TRIM44: variants seen among roughly 807,000 people sequenced by gnomAD.
The protein encoded by TRIM44 is tripartite motif-containing protein 44.
A neutral mutation model predicts 37.4 loss-of-function variants in TRIM44; 13 were observed. That is an observed-to-expected ratio of 0.35 (90% CI 0.23 to 0.55). TRIM44 has a LOEUF of 0.55. TRIM44 is among the 20% of genes least tolerant of loss of function. TRIM44 has a pLI of 0.89. For missense variants in TRIM44, 426 were observed against 437.2 expected, an observed-to-expected ratio of 0.97 and a Z score of 0.23; for synonymous variants, 175 against 157.2, an observed-to-expected ratio of 1.11 and a Z score of -0.85.
At chr11:35,699,718 C>T (rs1851757906) in intron 2 of TRIM44, among the ~76,000 whole-genome samples, 2 of 151,374 alleles carry the variant, frequency 1.3e-5, no homozygotes, top group Admixed American at 6.6e-5. Flanking sequence ...CGTCTCAGCC[C>T]AAAATCTCCT....
At chr11:35,711,871 C>T (rs1007225) in intron 2 of TRIM44, among the ~76,000 whole-genome samples, 43,304 of 152,036 alleles carry the variant, frequency 0.28, 6,551 homozygotes, top group Admixed American at 0.4. Flanking sequence ...CCTTCCTCCC[C>T]ACAAAGTTCC....
rs948601741 is a variant in TRIM44, at chr11:35,807,728, T to TA, written c.*1350dup. 4.6e-5 allele frequency: 7 copies of TA among 152,134 alleles called. No homozygotes were observed. Among genetic ancestry groups the TA allele is most frequent in the African/African-American group, 1.7e-4 (7 of 41,450 alleles). 9.4% of individuals were successfully genotyped at this position (152,134 alleles called of 1,614,324 possible). On this transcript the variant is annotated 3_prime_UTR_variant, in exon 5 of 5. Coordinates refer to ENST00000299413, the MANE Select transcript of TRIM44 (RefSeq NM_017583.6). ...TGTTCATACGCATAGACTGTTAAGATAAAAAAATAGGAATCTTGCAAGGTA... is the reference window on the plus strand; with the variant it reads ...TGTTCATACGCATAGACTGTTAAGATAAAAAAAATAGGAATCTTGCAAGGTA...
chr11:35,760,319 G>A (rs1852706343), intron 4 of TRIM44, among the ~76,000 whole-genome samples: 1 of 152,250 alleles, frequency 6.6e-6, no homozygotes, highest in Non-Finnish European at 1.5e-5. Flanking sequence ...ATCTCCTGTT[G>A]TGCCATTTGC....
chr11:35,685,488 A>G, intron 2 of TRIM44, 152 bp downstream of exon 2: 1 of 647,574 alleles, frequency 1.5e-6, no homozygotes, highest in Non-Finnish European at 2.7e-6. Context: ...TGATATGCCT[A>G]GAGATAAGTC....
rs778424945 is a variant in TRIM44, at chr11:35,746,562, GT to G, written c.1007+11123del. On this transcript the variant is annotated intron_variant, in intron 4 of 4. Coordinates refer to ENST00000299413, the MANE Select transcript of TRIM44 (RefSeq NM_017583.6). ...CATGCTGGCAGCATATGCTGGTGGA[GT>G]TTTTTGTTTGTTTGTTTTCTTTCCT... Among the ~76,000 whole-genome samples the G allele has an allele frequency of 2.6e-5, 4 of 151,526 alleles. No homozygotes were observed. The East Asian group carries it at 7.8e-4, about 29-fold the overall frequency.
intron 4 of TRIM44, 143 bp downstream of exon 4, chr11:35,735,588 A>T: frequency 1.2e-6 from 1 of 809,480 alleles, no homozygotes; most frequent in Admixed American, 2.3e-5. Flanking sequence ...TGAAGATCTT[A>T]TTTTGTAAGA....
intron 4 of TRIM44, 101 bp from the exon 5 acceptor site, chr11:35,806,257 C>T: frequency 1.6e-6 from 2 of 1,286,730 alleles, no homozygotes; most frequent in Non-Finnish European, 2.2e-6. Flanking sequence ...AGACTTAATT[C>T]CAGGTATGTC....
chr11:35,739,687 C>T (rs1852366535), intron 4 of TRIM44, among the ~76,000 whole-genome samples: 1 of 152,114 alleles, frequency 6.6e-6, no homozygotes, highest in South Asian at 2.1e-4. Context: ...GCCTTTGACT[C>T]CACAGAATAG....
At chr11:35,710,982 A>G (rs1214896341) in intron 2 of TRIM44, among the ~76,000 whole-genome samples, 1 of 152,206 alleles carries the variant, frequency 6.6e-6, no homozygotes, top group Non-Finnish European at 1.5e-5. Flanking sequence ...TGAAATGTTC[A>G]GAATAGGCAA....
chr11:35,766,589 G>A (rs1010781413), intron 4 of TRIM44, among the ~76,000 whole-genome samples: 16 of 152,196 alleles, frequency 1.1e-4, no homozygotes, highest in Admixed American at 5.9e-4. Context: ...TCCATGTGTA[G>A]CATTTTGCAG....
chr11:35,700,317 GATTA>G (rs1364767584), intron 2 of TRIM44, among the ~76,000 whole-genome samples: 1 of 152,030 alleles, frequency 6.6e-6, no homozygotes, highest in Non-Finnish European at 1.5e-5. Context: ...TTTTTTACAA[GATTA>G]ATTTTTACAA....
intron 2 of TRIM44, among the ~76,000 whole-genome samples, chr11:35,706,235 AC>A (rs1159484325): frequency 1.3e-5 from 2 of 149,392 alleles, no homozygotes; most frequent in Non-Finnish European, 3.0e-5. Flanking sequence ...CTCTGAATAG[AC>A]CAATAACAGG....
intron 2 of TRIM44, among the ~76,000 whole-genome samples, chr11:35,708,992 C>CAA (rs200530093): frequency 8.5e-6 from 1 of 118,192 alleles, no homozygotes; most frequent in Non-Finnish European, 1.8e-5. Context: ...GCCCCCCCCC[C>CAA]AAAAAAAAAG....
At chr11:35,710,843 A>G (rs1431162876) in intron 2 of TRIM44, among the ~76,000 whole-genome samples, 2 of 152,190 alleles carry the variant, frequency 1.3e-5, no homozygotes, top group African/African-American at 4.8e-5. Flanking sequence ...CTTCTGCCAA[A>G]GAGGCGTATT....
At chr11:35,767,305 A>G (rs1419307457) in intron 4 of TRIM44, among the ~76,000 whole-genome samples, 1 of 152,174 alleles carries the variant, frequency 6.6e-6, no homozygotes, top group Admixed American at 6.5e-5. Flanking sequence ...CACAAATGTG[A>G]TTTAACTGAG....
Position 35,663,183 on chromosome 11 carries a change from C to A in TRIM44, c.72C>A (p.Asp24Glu). The change falls in exon 1 of 5, where the codon GAC becomes GAA. Residue 24 changes from aspartate (D) to glutamate (E), a missense_variant. Physicochemically the swap from Asp to Glu is conservative, Grantham distance 45 (BLOSUM62 2). Transcript: ENST00000299413. ...HDGTCDECEP[D>E]EAPGAEEVCR... ...GCACGTGTGACGAGTGCGAGCCCGA[C>A]GAGGCTCCGGGGGCCGAGGAAGTGT... 6.3e-7 allele frequency: 1 copy of A among 1,580,680 alleles called. No homozygotes were observed. Among genetic ancestry groups the A allele is most frequent in the Non-Finnish European group, 8.6e-7 (1 of 1,163,330 alleles).
chr11:35,710,316 T>A (rs1174817523), intron 2 of TRIM44, among the ~76,000 whole-genome samples: 1 of 152,214 alleles, frequency 6.6e-6, no homozygotes, highest in Non-Finnish European at 1.5e-5. Flanking sequence ...GGATACAATT[T>A]TATCATTTGA....
At chr11:35,708,568 A>G (rs1338611259) in intron 2 of TRIM44, among the ~76,000 whole-genome samples, 1 of 151,828 alleles carries the variant, frequency 6.6e-6, no homozygotes, top group Non-Finnish European at 1.5e-5. Flanking sequence ...TACACCATGG[A>G]ATACTATGCA....
Position 35,809,324 on chromosome 11 carries a change from C to G in TRIM44, c.*2939C>G, listed in dbSNP as rs533743581. On this transcript the variant is annotated 3_prime_UTR_variant, in exon 5 of 5. Coordinates refer to ENST00000299413, the MANE Select transcript of TRIM44 (RefSeq NM_017583.6). ...CTCCCCCTAATTCTGTGGACAGGCA[C>G]TTTGTACCACACACCATGGTCCACC... The G allele has an allele frequency of 3.9e-5, 6 of 152,312 alleles. No homozygotes were observed. Among genetic ancestry groups the G allele is most frequent in the Non-Finnish European group, 8.8e-5 (6 of 68,018 alleles). 9.4% of individuals were successfully genotyped at this position (152,312 alleles called of 1,614,324 possible). A position where few individuals can be genotyped will look rare whatever the true frequency, so the allele number is the denominator to read the frequency against.
Sources: gnomAD v4.1 joint callset for allele counts (sites outside exome capture counted in the v4.1 genomes callset) on GRCh38, gnomAD v4.1.1 for gene constraint, MANE v1.5 for transcripts, NCBI Gene and HGNC (gene_info 2026-07-23, HGNC 2026-07-21) for gene names.